RBFOX3: variants seen among roughly 807,000 people sequenced by gnomAD.
RBFOX3 encodes the protein RNA binding fox-1 homolog 3, also known as RNA binding protein fox-1 homolog 3.
A neutral mutation model predicts 48.7 loss-of-function variants in RBFOX3; 17 were observed. The observed-to-expected ratio is 0.35, with a 90% confidence interval of 0.24 to 0.52. RBFOX3 has a LOEUF of 0.52. Among genes scored for constraint, RBFOX3 ranks in the 20% least tolerant of loss-of-function variants. The pLI is 0.94. For synonymous variants in RBFOX3, 212 were observed against 209.5 expected (o/e 1.01, Z -0.10); for missense variants, 382 against 497.5 (o/e 0.77, Z 2.21).
At chr17:79,411,161 C>T (rs1340733979) in intron 2 of RBFOX3, among the ~76,000 whole-genome samples, 1 of 152,168 alleles carries the variant, frequency 6.6e-6, no homozygotes, top group South Asian at 2.1e-4. Flanking sequence ...GATGCTGTCA[C>T]GTAACCGGAT....
chr17:79,098,843 G>A (rs2075905330), intron 9 of RBFOX3: 1 of 152,454 alleles, frequency 6.6e-6, no homozygotes, highest in Non-Finnish European at 1.5e-5. Flanking sequence ...AGGAACAGCA[G>A]GGACGAGAGC....
chr17:79,522,411 C>T (rs966346760), intron 1 of RBFOX3, among the ~76,000 whole-genome samples: 2 of 152,148 alleles, frequency 1.3e-5, no homozygotes, highest in Admixed American at 6.5e-5. Flanking sequence ...AACTCTCCTG[C>T]TGGCACCAGG....
chr17:79,603,362 A>C (rs2093753291), intron 1 of RBFOX3, among the ~76,000 whole-genome samples: 9 of 152,152 alleles, frequency 5.9e-5, no homozygotes, highest in Admixed American at 5.9e-4. Context: ...CATTGAGGGG[A>C]CACAGCACAG....
At chr17:79,255,727 G>C (rs991087257) in intron 3 of RBFOX3, among the ~76,000 whole-genome samples, 2 of 152,018 alleles carry the variant, frequency 1.3e-5, no homozygotes, top group African/African-American at 4.8e-5. Flanking sequence ...CACCATCCCG[G>C]GGGCACCTGC....
At chr17:79,563,928 T>A (rs1487648690) in intron 1 of RBFOX3, among the ~76,000 whole-genome samples, 1 of 152,204 alleles carries the variant, frequency 6.6e-6, no homozygotes, top group Non-Finnish European at 1.5e-5. Flanking sequence ...GCAACAAGAA[T>A]AATGATTCTA....
At chr17:79,565,292 A>C (rs947869270) in intron 1 of RBFOX3, among the ~76,000 whole-genome samples, 360 of 151,946 alleles carry the variant, frequency 2.4e-3, no homozygotes, top group African/African-American at 8.0e-3. Flanking sequence ...ACTATTTACT[A>C]TAAGCATAGA....
rs541348489 is a variant in RBFOX3, at chr17:79,435,176, G to A, written c.-175+47278C>T. Among the ~76,000 whole-genome samples the A allele has an allele frequency of 3.5e-3, 539 of 152,282 alleles. 2 individuals carry two copies. The highest frequency in any genetic ancestry group is 5.4e-3 in the Non-Finnish European group (368 of 68,028). Reference sequence around the variant, plus strand: ...CCCACCTCCGCAGGGTGGACAGTGAGTTGTGCCCTCTGCCTCTGGCCTGCC... The same window carrying A: ...CCCACCTCCGCAGGGTGGACAGTGAATTGTGCCCTCTGCCTCTGGCCTGCC... On this transcript the variant is annotated intron_variant, in intron 2 of 14. Coordinates refer to ENST00000693108, the MANE Select transcript of RBFOX3 (RefSeq NM_001350451.2).
At chr17:79,270,819 A>G (rs1567952383) in intron 3 of RBFOX3, among the ~76,000 whole-genome samples, 2 of 152,264 alleles carry the variant, frequency 1.3e-5, no homozygotes, top group Admixed American at 6.5e-5. Context: ...TGGCATGACC[A>G]TGACAATACC....
At chr17:79,263,432 A>C (rs1361661105) in intron 3 of RBFOX3, among the ~76,000 whole-genome samples, 1 of 152,252 alleles carries the variant, frequency 6.6e-6, no homozygotes, top group African/African-American at 2.4e-5. Context: ...CTGCGGACAC[A>C]GAGGCCTTCT....
intron 2 of RBFOX3, among the ~76,000 whole-genome samples, chr17:79,425,340 TG>T (rs1568228210): frequency 6.6e-6 from 1 of 151,912 alleles, no homozygotes; most frequent in Admixed American, 6.5e-5. Flanking sequence ...GGGGAGGGCC[TG>T]GGGGGGCTTG....
At chr17:79,319,188 C>T (rs62061495) in intron 2 of RBFOX3, among the ~76,000 whole-genome samples, 36,601 of 151,976 alleles carry the variant, frequency 0.24, 4,566 homozygotes, top group Non-Finnish European at 0.28. Flanking sequence ...ACTTCCCAGA[C>T]GGTTTTTCCT....
At chr17:79,216,607 C>T (rs563411890) in intron 4 of RBFOX3, among the ~76,000 whole-genome samples, 13 of 152,276 alleles carry the variant, frequency 8.5e-5, no homozygotes, top group South Asian at 4.1e-4. Context: ...ACAGGCCCCA[C>T]GGCTGGTGTG....
intron 4 of RBFOX3, among the ~76,000 whole-genome samples, chr17:79,190,787 G>T (rs1299985728): frequency 6.6e-6 from 1 of 152,212 alleles, no homozygotes; most frequent in African/African-American, 2.4e-5. Flanking sequence ...TAGCTCCCAG[G>T]AGGGACTGGG....
chr17:79,095,600 A>C, intron 12 of RBFOX3, 26 bp from the exon 13 acceptor site: 2 of 1,547,098 alleles, frequency 1.3e-6, no homozygotes, highest in South Asian at 2.4e-5. Context: ...GAGGAGAGAG[A>C]GCAGAGGGAC....
chr17:79,513,922 G>A (rs2149899896), intron 1 of RBFOX3, among the ~76,000 whole-genome samples: 1 of 152,278 alleles, frequency 6.6e-6, no homozygotes, highest in African/African-American at 2.4e-5. Context: ...GCTTCCCCTA[G>A]TCTAACTTGG....
At chr17:79,554,482 T>A (rs914617406) in intron 1 of RBFOX3, among the ~76,000 whole-genome samples, 1 of 69,716 alleles carries the variant, frequency 1.4e-5, no homozygotes, top group Non-Finnish European at 3.2e-5. Flanking sequence ...CCTCTCCATC[T>A]TCACTCACAG....
At position 79,101,630 on chromosome 17, in the gene RBFOX3, C is replaced by A. The variant is rs776142495; in HGVS notation, c.522G>T (p.Thr174=). 1 of 1,551,254 alleles carries A rather than the reference C, an allele frequency of 6.4e-7. No individual in the cohort carries two copies. The highest frequency in any genetic ancestry group is 2.4e-5 in the East Asian group (1 of 40,914). Residue 174 remains threonine, a synonymous_variant, in exon 9 of 15, where the codon ACG becomes ACT. Transcript: ENST00000693108. The stretch of plus-strand genomic sequence containing the variant: ...TCTTCTTGTTGGTCATCACTCGGGC[C>A]GTGGCATTATTGACCTGTTCAAAGA... ...EGRKIEVNNA[T]ARVMTNKKTG...
chr17:79,495,175 T>G (rs1389223211), intron 1 of RBFOX3, among the ~76,000 whole-genome samples: 1 of 151,182 alleles, frequency 6.6e-6, no homozygotes, highest in Non-Finnish European at 1.5e-5. Flanking sequence ...TTACCTGGCT[T>G]ACGTCGGGTG....
chr17:79,249,057 G>A lies in RBFOX3; in HGVS notation c.-73-13252C>T, dbSNP rs2063566765. 6.6e-6 allele frequency among the ~76,000 whole-genome samples: 1 copy of A among 152,172 alleles called. No homozygotes were observed. On this transcript the variant is annotated intron_variant, in intron 3 of 14. Transcript: ENST00000693108. This position sits in a 1 kb window ranked among gnomAD's most constrained non-coding sequence, Gnocchi z 4.1. ...CGCCAGCGGGGCCAGAACCCAGAGC[G>A]AGGCTGCCTCCCCTGGGTCGGCAAC...
Sources: gnomAD v4.1 joint callset for allele counts (sites outside exome capture counted in the v4.1 genomes callset) on GRCh38, gnomAD v4.1.1 for gene constraint, Gnocchi (gnomAD v3.1) non-coding constraint, MANE v1.5 for transcripts, NCBI Gene and HGNC (gene_info 2026-07-23, HGNC 2026-07-21) for gene names.